SPATA12: variants seen among roughly 807,000 people sequenced by gnomAD.
The protein encoded by SPATA12 is spermatogenesis associated 12, also known as spermatogenesis-associated protein 12.
For synonymous variants in SPATA12, 85 were observed against 89.2 expected (o/e 0.95, Z 0.26); for missense variants, 219 against 226.4 (o/e 0.97, Z 0.21).
chr3:57,061,070 C>T (rs2107346611), intron 1 of SPATA12, among the ~76,000 whole-genome samples: 1 of 152,228 alleles, frequency 6.6e-6, no homozygotes, highest in Middle Eastern at 3.4e-3. Context: ...TACCATTATC[C>T]ATTTCCAGAA....
At position 57,073,443 on chromosome 3, in the gene SPATA12, G is replaced by A. The variant is rs1201041300; in HGVS notation, c.-252G>A. The A allele has an allele frequency of 8.6e-6, 4 of 463,048 alleles. No homozygotes were observed. Among genetic ancestry groups the A allele is most frequent in the Non-Finnish European group, 1.5e-5 (4 of 272,148 alleles). 28.7% of individuals were successfully genotyped at this position (463,048 alleles called of 1,614,324 possible). On this transcript the variant is annotated 5_prime_UTR_variant, in exon 2 of 2. Coordinates refer to ENST00000334325, the MANE Select transcript of SPATA12 (RefSeq NM_181727.2). ...GCTGTGAAAGTGGACAAGCGTGAAA[G>A]AGCTTCCAAGTAGTGGAAACAGCAG...
At chr3:57,067,815 T>TAA (rs542326960) in intron 1 of SPATA12, among the ~76,000 whole-genome samples, 2,421 of 139,980 alleles carry the variant, frequency 0.017, 62 homozygotes, top group African/African-American at 0.059. Context: ...CCGTCTCTAC[T>TAA]AAAAAAAAAA....
intron 1 of SPATA12, among the ~76,000 whole-genome samples, chr3:57,064,033 C>A (rs1290907017): frequency 2.0e-5 from 3 of 152,168 alleles, no homozygotes; most frequent in African/African-American, 7.2e-5. Flanking sequence ...TTGGGAGGCC[C>A]AGGGAGGGGG....
chr3:57,063,224 G>C (rs190005365), intron 1 of SPATA12, among the ~76,000 whole-genome samples: 15 of 152,300 alleles, frequency 9.8e-5, no homozygotes, highest in Admixed American at 9.8e-4. Flanking sequence ...GGTTATGAGG[G>C]GGAAGGGCAA....
intron 1 of SPATA12, among the ~76,000 whole-genome samples, chr3:57,072,152 C>T (rs565893390): frequency 1.3e-5 from 2 of 152,230 alleles, no homozygotes; most frequent in East Asian, 3.9e-4. Context: ...GAAACTGGAA[C>T]CCTCGTGCAC....
intron 1 of SPATA12, among the ~76,000 whole-genome samples, chr3:57,061,554 A>G (rs1323587505): frequency 6.6e-6 from 1 of 152,204 alleles, no homozygotes; most frequent in Non-Finnish European, 1.5e-5. Flanking sequence ...AGACATTTGT[A>G]TTATTTTTAC....
At position 57,074,269 on chromosome 3, in the gene SPATA12, CAAT is replaced by C; in HGVS notation, c.*9_*11del. 1 of 1,604,572 alleles carries C rather than the reference CAAT, an allele frequency of 6.2e-7. No homozygotes were observed. The highest frequency in any genetic ancestry group is 8.5e-7 in the Non-Finnish European group (1 of 1,173,366). ...ACACACATACACACACATCTGTAAT[CAAT>C]AATAATCCTGCAACATCTGAGAGTC... On this transcript the variant is annotated 3_prime_UTR_variant, in exon 2 of 2. Coordinates refer to ENST00000334325, the MANE Select transcript of SPATA12 (RefSeq NM_181727.2).
rs2107417700 is a variant in SPATA12, at chr3:57,074,246, A to T, written c.552A>T (p.Thr184=). The T allele has an allele frequency of 6.2e-7, 1 of 1,612,564 alleles. No homozygotes were observed. The highest frequency in any genetic ancestry group is 1.1e-5 in the South Asian group (1 of 91,018). Reference sequence around the variant, plus strand: ...CCCTCTCTACAGTATACTCCAACACACACATACACACACATCTGTAATCAA... The same window carrying T: ...CCCTCTCTACAGTATACTCCAACACTCACATACACACACATCTGTAATCAA... ...VRSLSTVYSN[T]HIHTHL The change falls in exon 2 of 2, where the codon ACA becomes ACT. Residue 184 remains threonine, a synonymous_variant. Coordinates refer to ENST00000334325, the MANE Select transcript of SPATA12 (RefSeq NM_181727.2).
chr3:57,070,078 T>C (rs755192453), intron 1 of SPATA12, among the ~76,000 whole-genome samples: 12 of 152,372 alleles, frequency 7.9e-5, no homozygotes, highest in Non-Finnish European at 1.5e-4. Context: ...AATGAAATTG[T>C]ACCCCTTTGC....
intron 1 of SPATA12, among the ~76,000 whole-genome samples, chr3:57,071,280 C>T (rs1705887075): frequency 6.6e-6 from 1 of 152,004 alleles, no homozygotes; most frequent in South Asian, 2.1e-4. Context: ...GAAGCTAGAC[C>T]CCTACCTCAC....
At chr3:57,063,284 GCAGC>G (rs4060554) in intron 1 of SPATA12, among the ~76,000 whole-genome samples, 41,942 of 151,894 alleles carry the variant, frequency 0.28, 6,649 homozygotes, top group East Asian at 0.46. Flanking sequence ...ATGGGGCCTT[GCAGC>G]CAGCCACCCT....
chr3:57,066,863 C>T (rs1481188469), intron 1 of SPATA12, among the ~76,000 whole-genome samples: 1 of 152,170 alleles, frequency 6.6e-6, no homozygotes, highest in Non-Finnish European at 1.5e-5. Flanking sequence ...CTCACTGCAA[C>T]TCTTCCCTGG....
At chr3:57,061,306 T>TA (rs200113599) in intron 1 of SPATA12, among the ~76,000 whole-genome samples, 9 of 151,374 alleles carry the variant, frequency 5.9e-5, no homozygotes, top group Non-Finnish European at 1.2e-4. Flanking sequence ...TTATTATTAT[T>TA]TTTTTTTTTG....
intron 1 of SPATA12, among the ~76,000 whole-genome samples, chr3:57,061,152 A>G (rs1323774003): frequency 6.6e-6 from 1 of 152,064 alleles, no homozygotes; most frequent in African/African-American, 2.4e-5. Flanking sequence ...CCCCTCTCCC[A>G]GCCCCTACTG....
intron 1 of SPATA12, among the ~76,000 whole-genome samples, chr3:57,063,705 A>G (rs1370459823): frequency 6.6e-6 from 1 of 152,180 alleles, no homozygotes; most frequent in Admixed American, 6.5e-5. Flanking sequence ...ACTCCATCAC[A>G]CGCTGCTGGT....
At chr3:57,062,332 G>A (rs1379412492) in intron 1 of SPATA12, among the ~76,000 whole-genome samples, 1 of 152,172 alleles carries the variant, frequency 6.6e-6, no homozygotes, top group Non-Finnish European at 1.5e-5. Flanking sequence ...CCACAGCCTG[G>A]CAAGGGTGGC....
rs1198502228 is a variant in SPATA12, at chr3:57,073,427, G to A, written c.-268G>A. On this transcript the variant is annotated 5_prime_UTR_variant, in exon 2 of 2. It adds an upstream start codon to the 5' untranslated region. Coordinates refer to ENST00000334325, the MANE Select transcript of SPATA12 (RefSeq NM_181727.2). ...TTGGGCAGCGTGGGAAGCTGTGAAA[G>A]TGGACAAGCGTGAAAGAGCTTCCAA... The A allele has an allele frequency of 2.5e-6, 1 of 400,604 alleles. No homozygotes were observed. Among genetic ancestry groups the A allele is most frequent in the Non-Finnish European group, 4.4e-6 (1 of 228,066 alleles). 24.8% of individuals were successfully genotyped at this position (400,604 alleles called of 1,614,324 possible). A position where few individuals can be genotyped will look rare whatever the true frequency, so the allele number is the denominator to read the frequency against.
At chr3:57,067,808 T>G (rs1579209610) in intron 1 of SPATA12, among the ~76,000 whole-genome samples, 1 of 140,600 alleles carries the variant, frequency 7.1e-6, no homozygotes, top group Non-Finnish European at 1.5e-5. Context: ...TGAAACCCCG[T>G]CTCTACTAAA....
chr3:57,071,826 G>T (rs1705923315), intron 1 of SPATA12, among the ~76,000 whole-genome samples: 2 of 151,946 alleles, frequency 1.3e-5, no homozygotes, highest in African/African-American at 4.8e-5. Flanking sequence ...TCAAGAAAGT[G>T]AAAAAATAAC....
Sources: gnomAD v4.1 joint callset for allele counts (sites outside exome capture counted in the v4.1 genomes callset) on GRCh38, gnomAD v4.1.1 for gene constraint, MANE v1.5 for transcripts, NCBI Gene and HGNC (gene_info 2026-07-23, HGNC 2026-07-21) for gene names.